Variants in ALAS2 observed in about 807,000 individuals in gnomAD.
ALAS2 encodes the protein 5'-aminolevulinate synthase 2, also known as 5-aminolevulinate synthase, erythroid-specific, mitochondrial.
Under a neutral mutation model 33.7 loss-of-function variants are expected in ALAS2, and 3 were observed. The ratio of observed to expected loss-of-function variants is 0.09; its 90% confidence interval spans 0.04 to 0.23. The LOEUF is 0.23. ALAS2 is among the 10% of genes least tolerant of loss of function. The pLI, the probability that ALAS2 is intolerant of heterozygous loss-of-function variation, is 1.00. For missense variants in ALAS2, 304 were observed against 475.1 expected (o/e 0.64, Z 3.35); for synonymous variants, 191 against 177.3 (o/e 1.08, Z -0.61).
chrX:55,021,113 C>T lies in ALAS2; in HGVS notation c.577G>A (p.Val193Ile), dbSNP rs772482624. The T allele has an allele frequency of 2.7e-5, 33 of 1,209,749 alleles. No homozygotes were observed. The highest frequency in any genetic ancestry group is 3.5e-5 in the African/African-American group (2 of 57,034). ...EASVASKDVS[V>I]WCSNDYLGMS... ...CCCAGGTAATCATTACTACACCAGA[C>T]GGACACATCCTTTGAGGCCACAGAT... is the stretch of plus-strand genomic sequence containing the variant. Residue 193 changes from valine (V) to isoleucine (I), a missense_variant, in exon 5 of 11, where the codon GTC becomes ATC. Physicochemically the swap from Val to Ile is conservative, Grantham distance 29 (BLOSUM62 3). Around this residue, in one of 3 missense-constraint regions of ALAS2, gnomAD observed 138 missense variants for 265.3 expected, o/e 0.52. Coordinates refer to ENST00000650242, the MANE Select transcript of ALAS2 (RefSeq NM_000032.5).
rs113934285 is a variant in ALAS2, at chrX:55,025,126, G to A, written c.182-286C>T. The stretch of plus-strand genomic sequence containing the variant: ...AGAATTGGAATTAGACAGTTTGGAG[G>A]TCTAAGCAGGCTTTGCAGAGGAGAT... On this transcript the variant is annotated intron_variant, in intron 2 of 10. Coordinates refer to ENST00000650242, the MANE Select transcript of ALAS2 (RefSeq NM_000032.5). 0.031 allele frequency among the ~76,000 whole-genome samples: 3,400 copies of A among 110,964 alleles called. 138 individuals are homozygous for A. Among genetic ancestry groups the A allele is most frequent in the African/African-American group, 0.11 (3,243 of 30,348 alleles).
chrX:55,015,563 A>G lies in ALAS2; in HGVS notation c.1168+15T>C. On this transcript the variant is annotated intron_variant, in intron 8 of 10. Coordinates refer to ENST00000650242, the MANE Select transcript of ALAS2 (RefSeq NM_000032.5). The stretch of plus-strand genomic sequence containing the variant: ...CTCTGGAGGGTATATAAGAAGGCCC[A>G]AAGCATTCACTTACCAAGAGTTCCA... The G allele has an allele frequency of 8.3e-7, 1 of 1,210,620 alleles. No homozygotes were observed. Among genetic ancestry groups the G allele is most frequent in the Non-Finnish European group, 1.1e-6 (1 of 894,663 alleles).
At chrX:55,017,425 A>T in intron 7 of ALAS2, 61 bp downstream of exon 7, 1 of 1,008,988 alleles carries the variant, frequency 9.9e-7, no homozygotes, top group African/African-American at 1.9e-5. Flanking sequence ...CATCATCATC[A>T]TGATCATCAT....
At chrX:55,029,986 A>G (rs764652609) in intron 1 of ALAS2, among the ~76,000 whole-genome samples, 1 of 80,980 alleles carries the variant, frequency 1.2e-5, no homozygotes, top group Admixed American at 2.0e-4. Context: ...TGCTTTGCAA[A>G]AGTCAATTAG....
Position 55,017,562 on chromosome X carries a change from G to T in ALAS2, c.927C>A (p.His309Gln). 8.3e-7 allele frequency: 1 copy of T among 1,210,845 alleles called. No individual in the cohort carries two copies. Among genetic ancestry groups the T allele is most frequent in the Non-Finnish European group, 1.1e-6 (1 of 894,981 alleles). Residue 309 changes from histidine to glutamine, a missense_variant, in exon 7 of 11, where the codon CAC (histidine) becomes CAA (glutamine). By Grantham distance (24) the His-to-Gln change is conservative (BLOSUM62 0). Transcript: ENST00000650242. ...KFVFRHNDPD[H>Q]LKKLLEKSNP... is the part of the protein sequence containing the mutation. ...TAGACTTCTCTAGAAGTTTCTTTAG[G>T]TGGTCAGGGTCATTGTGCCTGAAGA... is the stretch of plus-strand genomic sequence containing the variant.
At chrX:55,021,870 A>C (rs1387968767) in intron 4 of ALAS2, among the ~76,000 whole-genome samples, 3 of 112,388 alleles carry the variant, frequency 2.7e-5, no homozygotes, top group Non-Finnish European at 5.6e-5. Context: ...CATTATAGCT[A>C]ACATTTAATG....
intron 6 of ALAS2, among the ~76,000 whole-genome samples, chrX:55,019,988 G>C (rs1478133994): frequency 3.6e-5 from 4 of 111,630 alleles, no homozygotes; most frequent in Non-Finnish European, 7.5e-5. Context: ...GGTTTTAGAA[G>C]AGGAGAAGAA....
intron 3 of ALAS2, among the ~76,000 whole-genome samples, 181 bp downstream of exon 3, chrX:55,024,537 A>G (rs1935857523): frequency 8.9e-6 from 1 of 112,072 alleles, no homozygotes; most frequent in Admixed American, 9.4e-5. Flanking sequence ...TGTGTTTGTC[A>G]GGTATGGTGT....
chrX:55,013,594 C>T lies in ALAS2; in HGVS notation c.1492G>A (p.Gly498Ser). The T allele has an allele frequency of 8.3e-7, 1 of 1,211,535 alleles. No homozygotes were observed. The change falls in exon 10 of 11, where the codon GGC becomes AGC. Residue 498 changes from glycine (G) to serine (S), a missense_variant. Physicochemically the swap from Gly to Ser is moderately conservative, Grantham distance 56. This residue lies in a region of ALAS2 where 95 missense variants were observed against 127.0 expected (regional missense o/e 0.75). Coordinates refer to ENST00000650242, the MANE Select transcript of ALAS2 (RefSeq NM_000032.5). ...KLCDLLLSKH[G>S]IYVQAINYPT... ...TAGTTGATGGCCTGCACATAGATGC[C>T]ATGCTTGGAGAGCAGGAGATCACAG...
At chrX:55,019,569 A>G (rs1458852540) in intron 6 of ALAS2, among the ~76,000 whole-genome samples, 1 of 111,611 alleles carries the variant, frequency 9.0e-6, no homozygotes, top group Non-Finnish European at 1.9e-5. Flanking sequence ...TGGGATTGTC[A>G]GAGACCATGG....
rs1488758466 is a variant in ALAS2 at position 55,017,534 on chromosome X, G to C, written c.955C>G (p.Pro319Ala). Residue 319 changes from proline (P) to alanine (A), a missense_variant, in exon 7 of 11, where the codon CCT (proline) becomes GCT (alanine). Pro to Ala is a conservative substitution (Grantham distance 27). Coordinates refer to ENST00000650242, the MANE Select transcript of ALAS2 (RefSeq NM_000032.5). Reference protein sequence around the residue: ...HLKKLLEKSNPKIPKIVAFET... With the variant: ...HLKKLLEKSNAKIPKIVAFET... ...AAGGCCACAATTTTGGGTATCTTAG[G>C]GTTAGACTTCTCTAGAAGTTTCTTT... 5.0e-6 allele frequency: 6 copies of C among 1,211,111 alleles called. No homozygotes were observed. The East Asian group carries it at 1.8e-4, about 36-fold the overall frequency.
intron 10 of ALAS2, 37 bp from the exon 11 acceptor site, chrX:55,009,380 T>C (rs1243301608): frequency 8.6e-7 from 1 of 1,156,255 alleles, no homozygotes; most frequent in South Asian, 1.9e-5. Flanking sequence ...AAAAAATGGG[T>C]TAGACTAGAT....
chrX:55,023,189 A>AGG (rs1359428025), intron 4 of ALAS2, among the ~76,000 whole-genome samples: 1 of 104,603 alleles, frequency 9.6e-6, no homozygotes, highest in African/African-American at 3.8e-5. Context: ...AAGAGAGCAG[A>AGG]GGGTGTGTGT....
Position 55,024,912 on chromosome X carries a change from A to C in ALAS2, c.182-72T>G, listed in dbSNP as rs1012002496. ...GTTCAGCTCAACAATAATTGCTGAG[A>C]TCTAATGTACCCCTAAAGCCCTATC... On this transcript the variant is annotated intron_variant, in intron 2 of 10. Transcript: ENST00000650242. The C allele has an allele frequency of 3.7e-5, 43 of 1,148,073 alleles. No homozygotes were observed. In the Middle Eastern group the frequency reaches 9.5e-4, roughly 25 times the overall value. The allele number at this position is 1,148,073 out of a possible 1,213,427, so 94.6% of individuals were successfully genotyped here. A position where few individuals can be genotyped will look rare whatever the true frequency, so the allele number is the denominator to read the frequency against.
At position 55,015,927 on chromosome X, in the gene ALAS2, T is replaced by G. The variant is rs186861382; in HGVS notation, c.1004-185A>C. Among the ~76,000 whole-genome samples the G allele has an allele frequency of 6.7e-4, 72 of 106,789 alleles. 1 individual carries two copies. The highest frequency in any genetic ancestry group is 3.6e-3 in the Admixed American group (35 of 9,761). The allele number at this position is 106,789 out of a possible 115,157, so 92.7% of individuals were successfully genotyped here. ...GTATGGATCGATTGCCTGTATCTCA[T>G]CCCTGCCTTCTCTCTCTCTCTCTCT... On this transcript the variant is annotated intron_variant, in intron 7 of 10. Transcript: ENST00000650242.
At chrX:55,011,332 G>C (rs769294110) in intron 10 of ALAS2, among the ~76,000 whole-genome samples, 5 of 111,910 alleles carry the variant, frequency 4.5e-5, no homozygotes, top group Non-Finnish European at 9.4e-5. Context: ...AGTGATGCTT[G>C]ATTTCCTATT....
rs1935777534 is a variant in ALAS2, at chrX:55,020,239, G to T, written c.823+81C>A. On this transcript the variant is annotated intron_variant, in intron 6 of 10. Coordinates refer to ENST00000650242, the MANE Select transcript of ALAS2 (RefSeq NM_000032.5). ...GGGAGTGAGGGAACTCCAAATACAG[G>T]GAAGGAGTGATGGAACCAGTGAAAC... The T allele has an allele frequency of 6.0e-6, 6 of 1,002,615 alleles. No individual in the cohort carries two copies. The Admixed American group carries it at 1.5e-4, about 26-fold the overall frequency. 82.6% of individuals were successfully genotyped at this position (1,002,615 alleles called of 1,213,427 possible).
At position 55,021,167 on chromosome X, in the gene ALAS2, A is replaced by G; in HGVS notation, c.523T>C (p.Tyr175His). The change falls in exon 5 of 11, where the codon TAT (tyrosine) becomes CAT (histidine). Residue 175 changes from tyrosine to histidine, a missense_variant. By Grantham distance (83) the Tyr-to-His change is moderately conservative. Around this residue, in one of 3 missense-constraint regions of ALAS2, gnomAD observed 138 missense variants for 265.3 expected, o/e 0.52. Transcript: ENST00000650242. The stretch of plus-strand genomic sequence containing the variant: ...TCAGAGAAATGTTGGGCAAAGGGAT[A>G]TGCATCAGCCCAGCGGTTCACAGTC... ...FKTVNRWADA[Y>H]PFAQHFSEAS... The G allele has an allele frequency of 8.3e-7, 1 of 1,211,592 alleles. No individual in the cohort carries two copies. Among genetic ancestry groups the G allele is most frequent in the Non-Finnish European group, 1.1e-6 (1 of 895,203 alleles).
chrX:55,029,844 C>T (rs1180418483), intron 1 of ALAS2, among the ~76,000 whole-genome samples: 1 of 111,305 alleles, frequency 9.0e-6, no homozygotes, highest in East Asian at 2.8e-4. Context: ...CTTTAAAATC[C>T]TCTCTTGTGT....
Sources: allele counts gnomAD v4.1 joint callset (sites outside exome capture counted in the v4.1 genomes callset), GRCh38; gene constraint gnomAD v4.1.1; regional missense constraint gnomAD v4.1.1; transcripts MANE v1.5; gene names NCBI Gene and HGNC (gene_info 2026-07-23, HGNC 2026-07-21).